YEATS4: variants seen among roughly 807,000 people sequenced by gnomAD.
The protein encoded by YEATS4 is YEATS domain containing 4.
In YEATS4, 17 loss-of-function variants were observed where a neutral mutation model predicts 30.1. The observed-to-expected ratio is 0.56, with a 90% confidence interval of 0.39 to 0.85. The LOEUF (loss-of-function observed/expected upper bound fraction) is 0.85, where lower values mean the gene tolerates loss of function less well. Ranked by LOEUF, YEATS4 falls within the 40% of genes least tolerant of loss-of-function variation. YEATS4 has a pLI of 0.00. For synonymous variants in YEATS4, 85 were observed against 87.5 expected (o/e 0.97, Z 0.16); for missense variants, 142 against 268.3 (o/e 0.53, Z 3.29).
intron 6 of YEATS4, among the ~76,000 whole-genome samples, chr12:69,374,858 A>C (rs568270949): frequency 6.6e-6 from 1 of 152,164 alleles, no homozygotes; most frequent in East Asian, 1.9e-4. Flanking sequence ...CAAAACCGCC[A>C]TCGTCATCAT....
chr12:69,409,791 G>A, the YEATS4 span, among the ~76,000 whole-genome samples: 1 of 150,838 alleles, frequency 6.6e-6, no homozygotes, highest in East Asian at 2.0e-4. Context: ...TAGCATGCAT[G>A]TGTGTATCTA....
At chr12:69,360,527 A>G (rs1465577409) in intron 1 of YEATS4, among the ~76,000 whole-genome samples, 1 of 152,242 alleles carries the variant, frequency 6.6e-6, no homozygotes, top group African/African-American at 2.4e-5. Flanking sequence ...CCTCAAAGCA[A>G]GAGCATAACA....
intron 6 of YEATS4, among the ~76,000 whole-genome samples, chr12:69,374,955 C>T (rs1411113327): frequency 2.6e-5 from 4 of 151,264 alleles, no homozygotes; most frequent in Non-Finnish European, 5.9e-5. Context: ...GACAGGGTGG[C>T]CGGGCAGGGG....
the YEATS4 span, among the ~76,000 whole-genome samples, chr12:69,422,200 A>T: frequency 6.6e-6 from 1 of 152,210 alleles, no homozygotes; most frequent in Non-Finnish European, 1.5e-5. Context: ...GAAGAGAGTG[A>T]GCAACAGAAA....
intron 6 of YEATS4, among the ~76,000 whole-genome samples, chr12:69,388,763 A>G (rs1382734953): frequency 6.6e-6 from 1 of 152,194 alleles, no homozygotes; most frequent in Non-Finnish European, 1.5e-5. Flanking sequence ...TTTCTGTACC[A>G]GGCAGTATTC....
chr12:69,373,506 T>C lies in YEATS4; in HGVS notation c.514+2531T>C, dbSNP rs535525443. Among the ~76,000 whole-genome samples the C allele has an allele frequency of 3.3e-5, 5 of 152,350 alleles. No homozygotes were observed. In the South Asian group the frequency reaches 1.0e-3, roughly 32 times the overall value. Reference sequence around the variant, plus strand: ...CAGATTCTTAAGGAGTTGTTCGAGCTCCTTATATATTCTGATTATTAATTC... The same window carrying C: ...CAGATTCTTAAGGAGTTGTTCGAGCCCCTTATATATTCTGATTATTAATTC... On this transcript the variant is annotated intron_variant, in intron 6 of 6. Coordinates refer to ENST00000247843, the MANE Select transcript of YEATS4 (RefSeq NM_006530.4).
chr12:69,396,594 GT>G, the YEATS4 span, among the ~76,000 whole-genome samples: 10 of 151,990 alleles, frequency 6.6e-5, no homozygotes. Flanking sequence ...GTTAAATCTG[GT>G]TAACTCATGT....
At chr12:69,375,041 C>T (rs160832) in intron 6 of YEATS4, among the ~76,000 whole-genome samples, 8,843 of 146,896 alleles carry the variant, frequency 0.06, 383 homozygotes, top group African/African-American at 0.12. Flanking sequence ...GCTGGCCGGG[C>T]GGGGGCTGCC....
the YEATS4 span, among the ~76,000 whole-genome samples, chr12:69,417,026 T>C: frequency 6.6e-6 from 1 of 151,014 alleles, no homozygotes; most frequent in African/African-American, 2.4e-5. Flanking sequence ...TGAGCCAAGA[T>C]CACACCACTG....
chr12:69,422,369 C>T, the YEATS4 span, among the ~76,000 whole-genome samples: 2,905 of 152,216 alleles, frequency 0.019, 53 homozygotes, highest in South Asian at 0.093. Flanking sequence ...CAGTGGCTCA[C>T]GCCTGTAATC....
chr12:69,412,514 G>C, the YEATS4 span, among the ~76,000 whole-genome samples: 1 of 152,078 alleles, frequency 6.6e-6, no homozygotes, highest in African/African-American at 2.4e-5. Flanking sequence ...TTAGCTCGGC[G>C]TGGTGGCAGG....
downstream of YEATS4, among the ~76,000 whole-genome samples, chr12:69,392,292 A>G (rs1284077045): frequency 6.6e-6 from 1 of 152,246 alleles, no homozygotes; most frequent in Non-Finnish European, 1.5e-5. Flanking sequence ...GTAGGAATGT[A>G]AAATGGTTCA....
the YEATS4 span, among the ~76,000 whole-genome samples, chr12:69,418,415 G>T: frequency 2.0e-5 from 3 of 152,096 alleles, no homozygotes; most frequent in African/African-American, 7.2e-5. Flanking sequence ...TCTTGCCACT[G>T]CACTCCAGCC....
chr12:69,394,721 A>C (rs1302267032), downstream of YEATS4, among the ~76,000 whole-genome samples: 1 of 151,924 alleles, frequency 6.6e-6, no homozygotes, highest in East Asian at 1.9e-4. Flanking sequence ...GATCCTCCCA[A>C]CTCAAGCTCC....
chr12:69,365,955 T>C, intron 4 of YEATS4, 71 bp downstream of exon 4: 2 of 1,129,906 alleles, frequency 1.8e-6, no homozygotes, highest in Non-Finnish European at 2.5e-6. Flanking sequence ...TAATACTTAA[T>C]GAATAGTGTT....
intron 6 of YEATS4, among the ~76,000 whole-genome samples, chr12:69,374,140 G>T (rs199599314): frequency 3.4e-5 from 5 of 147,236 alleles, no homozygotes; most frequent in Non-Finnish European, 4.5e-5. Flanking sequence ...TTTAGGTTTT[G>T]TTTTTTTTTT....
intron 2 of YEATS4, among the ~76,000 whole-genome samples, chr12:69,364,728 T>G (rs566871905): frequency 6.6e-6 from 1 of 152,328 alleles, no homozygotes. Context: ...TAAGTGATTC[T>G]CCTGCCTCAG....
chr12:69,425,244 T>A, the YEATS4 span, among the ~76,000 whole-genome samples: 1 of 152,208 alleles, frequency 6.6e-6, no homozygotes, highest in Admixed American at 6.5e-5. Flanking sequence ...TTTATTACAA[T>A]AAATTGTAGT....
At chr12:69,397,978 T>C in the YEATS4 span, among the ~76,000 whole-genome samples, 2 of 152,246 alleles carry the variant, frequency 1.3e-5, no homozygotes, top group Admixed American at 1.3e-4. Flanking sequence ...AAAATACACA[T>C]GATCATCTCA....
Sources: allele counts gnomAD v4.1 joint callset (sites outside exome capture counted in the v4.1 genomes callset), GRCh38; gene constraint gnomAD v4.1.1; transcripts MANE v1.5; gene names NCBI Gene and HGNC (gene_info 2026-07-23, HGNC 2026-07-21).